Variants in C1QTNF2 observed in about 807,000 individuals in gnomAD.
The protein encoded by C1QTNF2 is complement C1q tumor necrosis factor-related protein 2.
Under a neutral mutation model 17.4 loss-of-function variants are expected in C1QTNF2, and 15 were observed. That is an observed-to-expected ratio of 0.86 (90% CI 0.58 to 1.33). The LOEUF is 1.33. C1QTNF2 is among the 40% of genes most tolerant of loss of function. The pLI is 0.00. For synonymous variants in C1QTNF2, 154 were observed against 163.3 expected (o/e 0.94, Z 0.44); for missense variants, 381 against 392.3 (o/e 0.97, Z 0.24).
intron 2 of C1QTNF2, among the ~76,000 whole-genome samples, chr5:160,354,068 T>C (rs892763115): frequency 1.3e-5 from 2 of 152,064 alleles, no homozygotes. Context: ...GCCTCCCAAG[T>C]GCTGAGATTA....
chr5:160,348,671 A>G lies in C1QTNF2; in HGVS notation c.*497T>C, dbSNP rs1164219339. ...TTTCAGAGTGTGCACATAAGCAAAAATTATTCACTGAGTTGTCAACTTAAA... is the reference window on the plus strand; with the variant it reads ...TTTCAGAGTGTGCACATAAGCAAAAGTTATTCACTGAGTTGTCAACTTAAA... On this transcript the variant is annotated 3_prime_UTR_variant, in exon 3 of 3. Coordinates refer to ENST00000652664, the MANE Select transcript of C1QTNF2 (RefSeq NM_031908.6). 2.6e-5 allele frequency: 4 copies of G among 155,374 alleles called. No homozygotes were observed. The highest frequency in any genetic ancestry group is 4.3e-5 in the Non-Finnish European group (3 of 70,002). The allele number at this position is 155,374 out of a possible 1,614,324, so 9.6% of individuals were successfully genotyped here. A position where few individuals can be genotyped will look rare whatever the true frequency, so the allele number is the denominator to read the frequency against.
At chr5:160,367,246 T>C (rs2961922) in intron 1 of C1QTNF2, among the ~76,000 whole-genome samples, 15,306 of 152,202 alleles carry the variant, frequency 0.1, 810 homozygotes, top group East Asian at 0.2. Flanking sequence ...GGAGATTTTC[T>C]GTTAACATCG....
chr5:160,364,571 C>T (rs1226151286), intron 1 of C1QTNF2, among the ~76,000 whole-genome samples: 3 of 152,178 alleles, frequency 2.0e-5, no homozygotes, highest in Non-Finnish European at 4.4e-5. Flanking sequence ...TTGCCACTAA[C>T]TGCAGTTGAA....
chr5:160,364,568 T>TA (rs1417760340), intron 1 of C1QTNF2, among the ~76,000 whole-genome samples: 1 of 152,220 alleles, frequency 6.6e-6, no homozygotes, highest in Non-Finnish European at 1.5e-5. Flanking sequence ...TAATTGCCAC[T>TA]AACTGCAGTT....
chr5:160,359,383 T>C (rs1378132166), intron 1 of C1QTNF2, among the ~76,000 whole-genome samples: 2 of 152,188 alleles, frequency 1.3e-5, no homozygotes, highest in African/African-American at 4.8e-5. Flanking sequence ...GCAGAAGTTA[T>C]ATTTGAACTT....
In C1QTNF2 at chr5:160,362,815, G is replaced by T. The variant is rs562096991; in HGVS notation, c.-10+7697C>A. Among the ~76,000 whole-genome samples the T allele has an allele frequency of 2.0e-5, 3 of 152,262 alleles. No homozygotes were observed. The East Asian group carries it at 5.8e-4, about 29-fold the overall frequency. On this transcript the variant is annotated intron_variant, in intron 1 of 2. Transcript: ENST00000652664. ...ACTGATCGCGTGACTGTGAAAGTCA[G>T]TTCATCTTATCTGGGCCTTCATTTC...
rs1173989078 is a variant in C1QTNF2, at chr5:160,349,913, A to G, written c.245-132T>C. 9.5e-7 allele frequency: 1 copy of G among 1,047,550 alleles called. No individual in the cohort carries two copies. Among genetic ancestry groups the G allele is most frequent in the South Asian group, 1.9e-5 (1 of 51,902 alleles). The allele number at this position is 1,047,550 out of a possible 1,614,324, so 64.9% of individuals were successfully genotyped here. A position where few individuals can be genotyped will look rare whatever the true frequency, so the allele number is the denominator to read the frequency against. On this transcript the variant is annotated intron_variant, in intron 2 of 2. Coordinates refer to ENST00000652664, the MANE Select transcript of C1QTNF2 (RefSeq NM_031908.6). This position sits in a 1 kb window ranked among gnomAD's most constrained non-coding sequence, Gnocchi z 4.3. ...GAAAGAACAAGAAGGCTTTGCAGAC[A>G]TATAGAAGTGGGTGTAAATCCTAAT...
Position 160,362,020 on chromosome 5 carries a change from C to T in C1QTNF2, c.-9-7000G>A, listed in dbSNP as rs114456519. ...GCTGGGCTGCTGGAGCCTAGCGCAG[C>T]ACTGCATAGAGTAAGTGCTCAACAC... On this transcript the variant is annotated intron_variant, in intron 1 of 2. Transcript: ENST00000652664. 8.1e-3 allele frequency among the ~76,000 whole-genome samples: 1,236 copies of T among 152,334 alleles called. 19 individuals are homozygous for T. The highest frequency in any genetic ancestry group is 0.029 in the African/African-American group (1,187 of 41,564).
At chr5:160,350,907 C>T (rs919219917) in intron 2 of C1QTNF2, among the ~76,000 whole-genome samples, 14 of 152,090 alleles carry the variant, frequency 9.2e-5, no homozygotes, top group African/African-American at 2.7e-4. Flanking sequence ...CCTGCCACCA[C>T]GCCCGGCTAA....
intron 1 of C1QTNF2, among the ~76,000 whole-genome samples, chr5:160,369,505 G>A (rs1764310082): frequency 6.6e-6 from 1 of 152,120 alleles, no homozygotes; most frequent in Admixed American, 6.5e-5. Flanking sequence ...TGGTGCAGAG[G>A]GAGGGCAAAA....
chr5:160,370,413 C>T (rs1020765648), intron 1 of C1QTNF2, 99 bp downstream of exon 1: 303 of 1,345,946 alleles, frequency 2.3e-4, no homozygotes, highest in Non-Finnish European at 2.8e-4. Context: ...GCTCTCCCAC[C>T]TTCCGCATCC....
At chr5:160,358,414 A>C (rs1764091804) in intron 1 of C1QTNF2, among the ~76,000 whole-genome samples, 2 of 152,082 alleles carry the variant, frequency 1.3e-5, no homozygotes, top group South Asian at 4.1e-4. Flanking sequence ...TTAGAGGGGC[A>C]CTAAAGCCCC....
intron 1 of C1QTNF2, among the ~76,000 whole-genome samples, chr5:160,359,608 C>T (rs906895403): frequency 6.6e-6 from 1 of 152,208 alleles, no homozygotes; most frequent in African/African-American, 2.4e-5. Flanking sequence ...TGCTTTTTCT[C>T]TCTCTTGGGG....
intron 1 of C1QTNF2, among the ~76,000 whole-genome samples, chr5:160,362,351 C>T (rs1256129482): frequency 6.6e-6 from 1 of 152,114 alleles, no homozygotes; most frequent in Non-Finnish European, 1.5e-5. Flanking sequence ...ATGAGTGGCA[C>T]CACAGTTCCG....
At chr5:160,351,609 C>T (rs956389771) in intron 2 of C1QTNF2, among the ~76,000 whole-genome samples, 4 of 152,046 alleles carry the variant, frequency 2.6e-5, no homozygotes, top group Non-Finnish European at 2.9e-5. Flanking sequence ...TTATTAAATA[C>T]ATATGTAAAT....
rs200777932 is a variant in C1QTNF2, at chr5:160,353,788, C to CTTTTTT, written c.244+974_244+979dup. On this transcript the variant is annotated intron_variant, in intron 2 of 2. Transcript: ENST00000652664. ...GAGCTTGGCTCTTGGACTTCTCAGG[C>CTTTTTT]TTTTTTTTTTTTTTTTTTTTTTTTT... Among the ~76,000 whole-genome samples, 10 of 85,968 alleles carry CTTTTTT rather than the reference C, an allele frequency of 1.2e-4. 1 individual carries two copies. Among genetic ancestry groups the CTTTTTT allele is most frequent in the Admixed American group, 5.4e-4 (3 of 5,596 alleles). The allele number at this position is 85,968 out of a possible 152,430, so 56.4% of individuals were successfully genotyped here. A position where few individuals can be genotyped will look rare whatever the true frequency, so the allele number is the denominator to read the frequency against.
At chr5:160,362,799 G>A (rs953404188) in intron 1 of C1QTNF2, among the ~76,000 whole-genome samples, 7 of 152,166 alleles carry the variant, frequency 4.6e-5, no homozygotes, top group South Asian at 2.1e-4. Context: ...TACTGATCGC[G>A]TGACTGTGAA....
Position 160,349,781 on chromosome 5 carries a change from C to A in C1QTNF2, c.245G>T (p.Gly82Val). 6.6e-7 allele frequency: 1 copy of A among 1,519,132 alleles called. No individual in the cohort carries two copies. The highest frequency in any genetic ancestry group is 8.7e-7 in the Non-Finnish European group (1 of 1,144,522). The allele number at this position is 1,519,132 out of a possible 1,614,324, so 94.1% of individuals were successfully genotyped here. Residue 82 changes from glycine (G) to valine (V), a missense_variant and splice_region_variant, in exon 3 of 3, where the codon GGT becomes GTT. Gly to Val is a moderately radical substitution (Grantham distance 109). Transcript: ENST00000652664. The surrounding 1 kb of genome is among the most constrained non-coding windows in gnomAD (Gnocchi z 4.3). Reference protein sequence around the residue: ...DGDRGDSGEEGPPGRTGNRGK... With the variant: ...DGDRGDSGEEVPPGRTGNRGK... ...CCGGTTACCTGTCCGGCCAGGTGGA[C>A]CTGGAAGACAGAGCAGCTGGTGTTA...
intron 1 of C1QTNF2, among the ~76,000 whole-genome samples, chr5:160,358,443 A>C (rs563684404): frequency 6.6e-6 from 1 of 151,376 alleles, no homozygotes; most frequent in South Asian, 2.1e-4. Flanking sequence ...CAGGCAGATT[A>C]ACTCTTCCAG....
Sources: allele counts gnomAD v4.1 joint callset (sites outside exome capture counted in the v4.1 genomes callset), GRCh38; gene constraint gnomAD v4.1.1; non-coding constraint Gnocchi (gnomAD v3.1); transcripts MANE v1.5; gene names NCBI Gene and HGNC (gene_info 2026-07-23, HGNC 2026-07-21).